The following PLIN3 variants were observed in gnomAD, a reference collection of about 807,000 sequenced individuals.
The protein encoded by PLIN3 is perilipin-3.
Under a neutral mutation model 35.9 loss-of-function variants are expected in PLIN3, and 30 were observed. The ratio of observed to expected loss-of-function variants is 0.84; its 90% CI spans 0.62 to 1.13. The LOEUF is 1.13. PLIN3 is among the 50% of genes most tolerant of loss of function. The pLI is 0.00. For synonymous variants in PLIN3, 261 were observed against 262.5 expected, an observed-to-expected ratio of 0.99 and a Z score of 0.06; for missense variants, 603 against 596.9, an observed-to-expected ratio of 1.01 and a Z score of -0.11.
chr19:4,848,581 C>T (rs7251627), intron 5 of PLIN3, among the ~76,000 whole-genome samples: 37,752 of 152,086 alleles, frequency 0.25, 5,089 homozygotes, highest in East Asian at 0.45. Flanking sequence ...ATTATAATAC[C>T]GTAGGCCGGG....
intron 4 of PLIN3, among the ~76,000 whole-genome samples, chr19:4,858,357 C>G (rs549258643): frequency 4.5e-4 from 68 of 150,050 alleles, no homozygotes; most frequent in Admixed American, 4.0e-4. Flanking sequence ...GGGCAGGACA[C>G]AGTTTGGAAC....
chr19:4,859,569 CCT>C lies in PLIN3; in HGVS notation c.348+19_348+20del, dbSNP rs777031947. 1 of 1,609,098 alleles carries C rather than the reference CCT, an allele frequency of 6.2e-7. No homozygotes were observed. Among genetic ancestry groups the C allele is most frequent in the Non-Finnish European group, 8.5e-7 (1 of 1,175,576 alleles). On this transcript the variant is annotated intron_variant, in intron 4 of 7. Transcript: ENST00000221957. The stretch of plus-strand genomic sequence containing the variant: ...GGTAGGTCCCTGTCTCGACAGAGCC[CCT>C]GAGGACGGACATCGTTACCTTCTCC...
At chr19:4,840,324 C>T (rs942261489) in intron 7 of PLIN3, among the ~76,000 whole-genome samples, 1 of 152,020 alleles carries the variant, frequency 6.6e-6, no homozygotes, top group Non-Finnish European at 1.5e-5. Flanking sequence ...AGTGCAGTGG[C>T]GTGATCATAG....
chr19:4,860,947 G>A lies in PLIN3; in HGVS notation c.66+382C>T, dbSNP rs114668683. On this transcript the variant is annotated intron_variant, in intron 2 of 7. Coordinates refer to ENST00000221957, the MANE Select transcript of PLIN3 (RefSeq NM_005817.5). ...GATGTCACCACTGCACTCCAGGCTG[G>A]GCGACACAGCAAGGTTCCATCTCAA... is the stretch of plus-strand genomic sequence containing the variant. 7.7e-3 allele frequency among the ~76,000 whole-genome samples: 1,175 copies of A among 152,194 alleles called. 21 individuals are homozygous for A. Among genetic ancestry groups the A allele is most frequent in the African/African-American group, 0.027 (1,119 of 41,526 alleles).
chr19:4,859,454 G>C, intron 4 of PLIN3, 136 bp downstream of exon 4: 1 of 745,444 alleles, frequency 1.3e-6, no homozygotes, highest in South Asian at 1.6e-5. Flanking sequence ...GAGTGGATTC[G>C]GGGTGGGGAT....
intron 1 of PLIN3, among the ~76,000 whole-genome samples, chr19:4,864,096 CTAGTGTGTGTGTGTGTGT>C: frequency 7.6e-6 from 1 of 131,494 alleles, no homozygotes; most frequent in Non-Finnish European, 1.6e-5. Flanking sequence ...CCACACCTGG[CTAGTGTGTGTGTGTGTGT>C]GTGTGTGTGT....
At chr19:4,848,505 A>T (rs1425505600) in intron 5 of PLIN3, among the ~76,000 whole-genome samples, 2 of 152,266 alleles carry the variant, frequency 1.3e-5, no homozygotes, top group African/African-American at 2.4e-5. Flanking sequence ...TTCATTATGC[A>T]GTCCTGCAGA....
At position 4,859,936 on chromosome 19, in the gene PLIN3, C is replaced by T. The variant is rs757829695; in HGVS notation, c.155G>A (p.Ser52Asn). ...GCAGACAGTCTTGATGTGCGGGTAG[C>T]TCTCCTTGGTGGAGGCATAGGCTGC... ...VSAAYASTKE[S>N]YPHIKTVCDA... The change falls in exon 3 of 8, where the codon AGC (serine) becomes AAC (asparagine). Residue 52 changes from serine to asparagine, a missense_variant. Transcript: ENST00000221957. 1.2e-6 allele frequency: 2 copies of T among 1,614,102 alleles called. No individual in the cohort carries two copies. Among genetic ancestry groups the T allele is most frequent in the Non-Finnish European group, 1.7e-6 (2 of 1,180,010 alleles).
intron 4 of PLIN3, among the ~76,000 whole-genome samples, chr19:4,858,734 T>C (rs1211812435): frequency 8.3e-6 from 1 of 120,062 alleles, no homozygotes; most frequent in Non-Finnish European, 1.7e-5. Context: ...GGAGTTTCAC[T>C]CTTGCTGCCC....
Position 4,865,768 on chromosome 19 carries a change from C to G in PLIN3, c.-18+1841G>C, listed in dbSNP as rs530738598. On this transcript the variant is annotated intron_variant, in intron 1 of 7. Coordinates refer to ENST00000221957, the MANE Select transcript of PLIN3 (RefSeq NM_005817.5). ...AGACGGAGTCTCGCCCTGTCGCCCACGCTGGAGTGCAGTGGCGCGATCTCA... is the reference window on the plus strand; with the variant it reads ...AGACGGAGTCTCGCCCTGTCGCCCAGGCTGGAGTGCAGTGGCGCGATCTCA... Among the ~76,000 whole-genome samples, 593 of 148,060 alleles carry G rather than the reference C, an allele frequency of 4.0e-3. 4 individuals are homozygous for G. Among genetic ancestry groups the G allele is most frequent in the Non-Finnish European group, 6.3e-3 (426 of 67,112 alleles).
At chr19:4,857,583 T>A (rs1223193805) in intron 4 of PLIN3, among the ~76,000 whole-genome samples, 1 of 152,044 alleles carries the variant, frequency 6.6e-6, no homozygotes. Context: ...AAAAAATTTT[T>A]TTTTTTAATG....
chr19:4,861,253 G>T lies in PLIN3; in HGVS notation c.66+76C>A, dbSNP rs529377841. 3.2e-4 allele frequency: 426 copies of T among 1,326,454 alleles called. 4 individuals are homozygous for T. The Admixed American group carries it at 7.2e-3, about 22-fold the overall frequency. The allele number at this position is 1,326,454 out of a possible 1,614,324, so 82.2% of individuals were successfully genotyped here. A position where few individuals can be genotyped will look rare whatever the true frequency, so the allele number is the denominator to read the frequency against. ...CGGCAGATCCCTGGCTCCCTGCCAG[G>T]GCACCCTGGGGTGGGAAGCCTCCTT... is the stretch of plus-strand genomic sequence containing the variant. On this transcript the variant is annotated intron_variant, in intron 2 of 7. Transcript: ENST00000221957.
At chr19:4,864,238 C>T (rs1282089293) in intron 1 of PLIN3, among the ~76,000 whole-genome samples, 2 of 151,334 alleles carry the variant, frequency 1.3e-5, no homozygotes, top group East Asian at 1.9e-4. Context: ...CTGTAACCTC[C>T]GCCTTCTGGG....
chr19:4,858,699 T>TG (rs1418065333), intron 4 of PLIN3, among the ~76,000 whole-genome samples: 1 of 106,490 alleles, frequency 9.4e-6, no homozygotes, highest in African/African-American at 3.5e-5. Context: ...GGTGTTTTTT[T>TG]GGTTTTTTTT....
At position 4,858,998 on chromosome 19, in the gene PLIN3, G is replaced by A. The variant is rs555075193; in HGVS notation, c.348+592C>T. On this transcript the variant is annotated intron_variant, in intron 4 of 7. Coordinates refer to ENST00000221957, the MANE Select transcript of PLIN3 (RefSeq NM_005817.5). ...ATTACAGGCATGAGCCACCGCGCCC[G>A]GCCAGGAACATGGTGTTTTGATGTT... Among the ~76,000 whole-genome samples, 19 of 151,802 alleles carry A rather than the reference G, an allele frequency of 1.3e-4. No individual in the cohort carries two copies. The East Asian group carries it at 3.1e-3, about 25-fold the overall frequency.
rs1195066339 is a variant in PLIN3, at chr19:4,859,620, G to A, written c.318C>T (p.Asn106=). The A allele has an allele frequency of 6.2e-7, 1 of 1,614,136 alleles. No homozygotes were observed. The highest frequency in any genetic ancestry group is 1.1e-5 in the South Asian group (1 of 91,080). The change falls in exon 4 of 8, where the codon AAC becomes AAT. Residue 106 remains asparagine, a synonymous_variant. Coordinates refer to ENST00000221957, the MANE Select transcript of PLIN3 (RefSeq NM_005817.5). ...AHRGLDKLEE[N]LPILQQPTEK... Reference sequence around the variant, plus strand: ...CCGTGGGCTGCTGCAGGATGGGGAGGTTCTCCTCCAACTTGTCCAGCCCCC... The same window carrying A: ...CCGTGGGCTGCTGCAGGATGGGGAGATTCTCCTCCAACTTGTCCAGCCCCC...
At chr19:4,846,034 C>G (rs2030083799) in intron 6 of PLIN3, among the ~76,000 whole-genome samples, 1 of 151,324 alleles carries the variant, frequency 6.6e-6, no homozygotes, top group South Asian at 2.1e-4. Flanking sequence ...ACCATCCTGG[C>G]TAACACTGTG....
intron 7 of PLIN3, among the ~76,000 whole-genome samples, chr19:4,844,338 C>T (rs934600818): frequency 4.6e-5 from 7 of 151,964 alleles, no homozygotes; most frequent in African/African-American, 9.7e-5. Context: ...TGGTGGTGAG[C>T]GCCTGTAATC....
At chr19:4,839,651 C>T (rs758537027) in intron 7 of PLIN3, 115 bp from the exon 8 acceptor site, 9 of 722,352 alleles carry the variant, frequency 1.2e-5, no homozygotes, top group Non-Finnish European at 1.8e-5. Context: ...GGGGCAAACG[C>T]TTTCCATAGG....
Sources: gnomAD v4.1 joint callset for allele counts (sites outside exome capture counted in the v4.1 genomes callset) on GRCh38, gnomAD v4.1.1 for gene constraint, MANE v1.5 for transcripts, NCBI Gene and HGNC (gene_info 2026-07-23, HGNC 2026-07-21) for gene names.